SVEP1: variants seen among roughly 807,000 people sequenced by gnomAD.
The protein encoded by SVEP1 is sushi, von Willebrand factor type A, EGF and pentraxin domain-containing protein 1.
In SVEP1, 164 loss-of-function variants were observed where a neutral mutation model predicts 367.3. The observed-to-expected ratio is 0.45, with a 90% CI of 0.39 to 0.51. The LOEUF is 0.51. SVEP1 is among the 20% of genes least tolerant of loss of function. The pLI, the probability that SVEP1 is intolerant of heterozygous loss-of-function variation, is 0.00. For missense variants in SVEP1, 4,117 were observed against 4,425.3 expected (o/e 0.93, Z 1.98); for synonymous variants, 1,666 against 1,611.6 (o/e 1.03, Z -0.81).
chr9:110,441,325 T>C (rs77910359), intron 27 of SVEP1, among the ~76,000 whole-genome samples: 4,368 of 152,354 alleles, frequency 0.029, 90 homozygotes, highest in Non-Finnish European at 0.039. Context: ...CTAATGTTTC[T>C]AGTTTGTCTG....
chr9:110,512,517 G>C (rs1467614077), intron 5 of SVEP1, among the ~76,000 whole-genome samples: 10 of 152,236 alleles, frequency 6.6e-5, no homozygotes, highest in African/African-American at 2.4e-4. Flanking sequence ...CGAAGTAAAG[G>C]CTGGAGATTA....
chr9:110,533,079 G>C (rs941146559), intron 3 of SVEP1, among the ~76,000 whole-genome samples: 4 of 152,076 alleles, frequency 2.6e-5, no homozygotes, highest in African/African-American at 9.7e-5. Flanking sequence ...TCTCCTATGA[G>C]AATCTAATGC....
At chr9:110,489,955 G>T (rs190661329) in intron 8 of SVEP1, among the ~76,000 whole-genome samples, 176 bp from the exon 9 acceptor site, 3 of 152,140 alleles carry the variant, frequency 2.0e-5, no homozygotes, top group Admixed American at 6.5e-5. Context: ...ATGATTTATA[G>T]AATTGGCACA....
intron 43 of SVEP1, 31 bp downstream of exon 43, chr9:110,385,867 G>T (rs562495539): frequency 4.6e-5 from 73 of 1,600,954 alleles, no homozygotes; most frequent in Non-Finnish European, 5.8e-5. Flanking sequence ...TCGCACTAGC[G>T]GCATGAACTG....
intron 36 of SVEP1, among the ~76,000 whole-genome samples, chr9:110,414,731 C>T: frequency 6.6e-6 from 1 of 151,738 alleles, no homozygotes; most frequent in Non-Finnish European, 1.5e-5. Flanking sequence ...ACAGAGCTCC[C>T]AAATGCATTA....
At chr9:110,499,357 A>T in intron 6 of SVEP1, 119 bp from the exon 7 acceptor site, 1 of 864,416 alleles carries the variant, frequency 1.2e-6, no homozygotes, top group Non-Finnish European at 1.8e-6. Flanking sequence ...AAATTGCTAA[A>T]TGATAACTAT....
At chr9:110,501,457 A>G (rs1829527413) in intron 6 of SVEP1, among the ~76,000 whole-genome samples, 1 of 151,532 alleles carries the variant, frequency 6.6e-6, no homozygotes, top group South Asian at 2.1e-4. Context: ...TTGCTATTTT[A>G]ATGACTTTAA....
chr9:110,389,839 C>T lies in SVEP1; in HGVS notation c.9823-252G>A, dbSNP rs554439228. 3.2e-4 allele frequency among the ~76,000 whole-genome samples: 44 copies of T among 137,752 alleles called. 1 individual carries two copies. Among genetic ancestry groups the T allele is most frequent in the East Asian group, 1.0e-3 (3 of 2,864 alleles). The allele number at this position is 137,752 out of a possible 152,430, so 90.4% of individuals were successfully genotyped here. ...ACTTTGCTTCACCTTTTATTTTAAA[C>T]GGCAACTAATTATAATCTGTAGCTA... On this transcript the variant is annotated intron_variant, in intron 40 of 47. Transcript: ENST00000374469.
At chr9:110,480,639 AT>A (rs1006449637) in intron 12 of SVEP1, among the ~76,000 whole-genome samples, 12 of 151,352 alleles carry the variant, frequency 7.9e-5, no homozygotes, top group Admixed American at 2.6e-4. Context: ...TTTTTTCTCT[AT>A]TTTTTTTGTG....
At position 110,411,351 on chromosome 9, in the gene SVEP1, G is replaced by A. The variant is rs371340191; in HGVS notation, c.6360C>T (p.Thr2120=). ...CTCTCATACATTCAATCTTTGCTGA[G>A]GTGTTCAGTACAAAGCCTTCCATGC... ...FKCMEGFVLN[T]SAKIECMRGG... The change falls in exon 37 of 48, where the codon ACC becomes ACT. Residue 2120 remains threonine, a synonymous_variant. Transcript: ENST00000374469. 1.2e-6 allele frequency: 2 copies of A among 1,613,902 alleles called. No homozygotes were observed. The highest frequency in any genetic ancestry group is 1.7e-5 in the Admixed American group (1 of 59,990).
intron 30 of SVEP1, among the ~76,000 whole-genome samples, chr9:110,433,765 C>A (rs1828390227): frequency 6.6e-6 from 1 of 152,108 alleles, no homozygotes; most frequent in South Asian, 2.1e-4. Context: ...GCCACCACAC[C>A]TGGCCACACT....
chr9:110,565,400 G>A (rs182827873), intron 1 of SVEP1, among the ~76,000 whole-genome samples: 1 of 152,260 alleles, frequency 6.6e-6, no homozygotes, highest in East Asian at 1.9e-4. Context: ...AAGGGTGTGA[G>A]GTGGAGTGTT....
intron 3 of SVEP1, among the ~76,000 whole-genome samples, chr9:110,532,817 G>C (rs1471845623): frequency 1.3e-5 from 2 of 151,992 alleles, no homozygotes; most frequent in African/African-American, 4.8e-5. Flanking sequence ...TTCCAGCTAT[G>C]ACAACCAAAG....
At chr9:110,538,248 A>G (rs1208804320) in intron 3 of SVEP1, among the ~76,000 whole-genome samples, 1 of 152,070 alleles carries the variant, frequency 6.6e-6, no homozygotes, top group Non-Finnish European at 1.5e-5. Flanking sequence ...CAAATTCTCC[A>G]GCTTAAGTTG....
chr9:110,496,952 C>G lies in SVEP1; in HGVS notation c.1682-19G>C, dbSNP rs754462069. The stretch of plus-strand genomic sequence containing the variant: ...TCCACGTCTAACTCAGAAAAATACA[C>G]AAGTAGATTAATACACTGATATGTG... On this transcript the variant is annotated intron_variant, in intron 7 of 47. Transcript: ENST00000374469. The G allele has an allele frequency of 2.7e-6, 4 of 1,468,694 alleles. No individual in the cohort carries two copies. The highest frequency in any genetic ancestry group is 3.7e-6 in the Non-Finnish European group (4 of 1,077,036). 91.0% of individuals were successfully genotyped at this position (1,468,694 alleles called of 1,614,324 possible).
At chr9:110,518,084 T>C (rs1829829226) in intron 3 of SVEP1, among the ~76,000 whole-genome samples, 1 of 152,168 alleles carries the variant, frequency 6.6e-6, no homozygotes, top group Admixed American at 6.5e-5. Flanking sequence ...CTACATTTTC[T>C]AGTTTTGTTA....
Position 110,436,385 on chromosome 9 carries a change from G to A in SVEP1, c.4759C>T (p.Gln1587Ter). 6.2e-7 allele frequency: 1 copy of A among 1,613,916 alleles called. No individual in the cohort carries two copies. Among genetic ancestry groups the A allele is most frequent in the Non-Finnish European group, 8.5e-7 (1 of 1,179,840 alleles). ...LNLWDYVLSPQQVKSLATSCP... is the reference protein window; with the variant it reads ...LNLWDYVLSP ...ACACTGAAAATGGAATTGACCTGCT[G>A]TGGAGACAGGACATAGTCCCAGAGG... is the stretch of plus-strand genomic sequence containing the variant. The change falls in exon 28 of 48, where the codon CAG becomes TAG. Residue 1587 changes from glutamine (Q) to a stop codon, truncating the protein, a stop_gained. Coordinates refer to ENST00000374469, the MANE Select transcript of SVEP1 (RefSeq NM_153366.4). LOFTEE classifies it high-confidence loss of function.
At chr9:110,443,148 A>G (rs775734854) in intron 27 of SVEP1, 7 of 157,946 alleles carry the variant, frequency 4.4e-5, no homozygotes, top group Non-Finnish European at 8.3e-5. Context: ...TTAGAAGACA[A>G]GCCAAGATCT....
At chr9:110,485,499 T>C (rs10283876) in intron 9 of SVEP1, among the ~76,000 whole-genome samples, 103,440 of 151,988 alleles carry the variant, frequency 0.68, 35,341 homozygotes, top group African/African-American at 0.74. Flanking sequence ...ACCTAGGTGA[T>C]GGGTTGATAG....
Sources: gnomAD v4.1 joint callset for allele counts (sites outside exome capture counted in the v4.1 genomes callset) on GRCh38, gnomAD v4.1.1 for gene constraint, MANE v1.5 for transcripts, NCBI Gene and HGNC (gene_info 2026-07-23, HGNC 2026-07-21) for gene names.